The following TTC9 variants were observed in gnomAD, a reference collection of about 807,000 sequenced individuals.
The protein encoded by TTC9 is tetratricopeptide repeat protein 9A.
Under a neutral mutation model 22.9 loss-of-function variants are expected in TTC9, and 13 were observed. The observed-to-expected ratio is 0.57, with a 90% CI of 0.37 to 0.90. The LOEUF is 0.90. Ranked by LOEUF, TTC9 falls within the 40% of genes least tolerant of loss-of-function variation. The pLI is 0.01. For missense variants in TTC9, 280 were observed against 291.8 expected, an observed-to-expected ratio of 0.96 and a Z score of 0.29; for synonymous variants, 148 against 133.2, an observed-to-expected ratio of 1.11 and a Z score of -0.77.
rs1424335128 is a variant in TTC9 at position 70,641,984 on chromosome 14, G to A, written c.-146G>A. ...AGCGGGGAGAATGGGAGTGCGGGGC[G>A]CCAGACCGCCGCGGGGTGTCACGGC... On this transcript the variant is annotated 5_prime_UTR_variant, in exon 1 of 3. Coordinates refer to ENST00000256367, the MANE Select transcript of TTC9 (RefSeq NM_015351.2). The A allele has an allele frequency of 7.2e-6, 3 of 415,528 alleles. No individual in the cohort carries two copies. Among genetic ancestry groups the A allele is most frequent in the Non-Finnish European group, 9.8e-6 (3 of 306,128 alleles). The allele number at this position is 415,528 out of a possible 1,614,324, so 25.7% of individuals were successfully genotyped here. A position where few individuals can be genotyped will look rare whatever the true frequency, so the allele number is the denominator to read the frequency against.
In TTC9 at chr14:70,661,430, C is replaced by T. The variant is rs189976443; in HGVS notation, c.407-6134C>T. ...CCTTGTAGAGTAGGTTCTTCCTTCTCGCTGCTGGCCCCAGATGGGTCTGGT... is the reference window on the plus strand; with the variant it reads ...CCTTGTAGAGTAGGTTCTTCCTTCTTGCTGCTGGCCCCAGATGGGTCTGGT... On this transcript the variant is annotated intron_variant, in intron 1 of 2. Coordinates refer to ENST00000256367, the MANE Select transcript of TTC9 (RefSeq NM_015351.2). Among the ~76,000 whole-genome samples the T allele has an allele frequency of 1.1e-4, 17 of 152,352 alleles. No individual in the cohort carries two copies. In the East Asian group the frequency reaches 3.1e-3, roughly 28 times the overall value.
chr14:70,659,531 C>T (rs1002832565), intron 1 of TTC9, among the ~76,000 whole-genome samples: 2 of 152,048 alleles, frequency 1.3e-5, no homozygotes, highest in African/African-American at 4.8e-5. Context: ...AAAAAGCAGC[C>T]GCAGCAGGAG....
chr14:70,664,742 A>C (rs1286825085), intron 1 of TTC9, among the ~76,000 whole-genome samples: 1 of 151,006 alleles, frequency 6.6e-6, no homozygotes, highest in Non-Finnish European at 1.5e-5. Flanking sequence ...AAAAAAAAAA[A>C]AAGAGTCCTG....
chr14:70,670,874 T>C (rs1486040030), intron 2 of TTC9, among the ~76,000 whole-genome samples: 2 of 151,906 alleles, frequency 1.3e-5, no homozygotes, highest in Non-Finnish European at 2.9e-5. Flanking sequence ...CATGCCAACC[T>C]GTCCACATTT....
intron 1 of TTC9, among the ~76,000 whole-genome samples, chr14:70,649,728 A>G (rs576825276): frequency 6.6e-6 from 1 of 152,354 alleles, no homozygotes; most frequent in South Asian, 2.1e-4. Context: ...TCTCTGTAGC[A>G]AAGACAAGCT....
chr14:70,649,426 G>A lies in TTC9; in HGVS notation c.406+6891G>A, dbSNP rs1251465489. On this transcript the variant is annotated intron_variant, in intron 1 of 2. Coordinates refer to ENST00000256367, the MANE Select transcript of TTC9 (RefSeq NM_015351.2). Reference sequence around the variant, plus strand: ...AGTTAATATGAAGGACAAGATCCCCGCCTTACATGAACTTATGTATATATA... The same window carrying A: ...AGTTAATATGAAGGACAAGATCCCCACCTTACATGAACTTATGTATATATA... Among the ~76,000 whole-genome samples the A allele has an allele frequency of 6.0e-5, 9 of 150,002 alleles. No individual in the cohort carries two copies. The South Asian group carries it at 1.6e-3, about 26-fold the overall frequency.
chr14:70,670,360 A>G (rs74456888), intron 2 of TTC9, among the ~76,000 whole-genome samples: 7,137 of 152,310 alleles, frequency 0.047, 430 homozygotes, highest in East Asian at 0.2. Context: ...GCATTCAAAA[A>G]TGGAGCTTGT....
chr14:70,670,065 T>TA lies in TTC9; in HGVS notation c.590-1004dup, dbSNP rs530283161. Among the ~76,000 whole-genome samples, 24 of 152,326 alleles carry TA rather than the reference T, an allele frequency of 1.6e-4. No homozygotes were observed. The East Asian group carries it at 4.2e-3, about 27-fold the overall frequency. The stretch of plus-strand genomic sequence containing the variant: ...AAAGTCATTTTAAACTCTTCAAGCT[T>TA]AAAAAAATTACATTAGACTAATATT... On this transcript the variant is annotated intron_variant, in intron 2 of 2. Coordinates refer to ENST00000256367, the MANE Select transcript of TTC9 (RefSeq NM_015351.2).
At chr14:70,665,449 G>C (rs1886202022) in intron 1 of TTC9, among the ~76,000 whole-genome samples, 1 of 152,222 alleles carries the variant, frequency 6.6e-6, no homozygotes, top group Admixed American at 6.5e-5. Context: ...ACCATGGAGA[G>C]AGAGGGAGGA....
intron 1 of TTC9, among the ~76,000 whole-genome samples, chr14:70,659,618 G>A (rs1886117698): frequency 6.6e-6 from 1 of 152,176 alleles, no homozygotes; most frequent in East Asian, 1.9e-4. Context: ...TAGTGGGAGA[G>A]AAGGTTCTGG....
In TTC9 at chr14:70,667,676, C is replaced by T; in HGVS notation, c.519C>T (p.Ala173=). 6.2e-7 allele frequency: 1 copy of T among 1,613,882 alleles called. No homozygotes were observed. The highest frequency in any genetic ancestry group is 1.1e-5 in the South Asian group (1 of 91,056). ...AGGCCCTTTACCGGTCTGGTGTGGC[C>T]TTCTACCACCTTGGGGACTATGACA... ...NFKALYRSGV[A]FYHLGDYDKA... is the part of the protein sequence containing the mutation. Residue 173 remains alanine (A), a synonymous_variant, in exon 2 of 3, where the codon GCC becomes GCT. Coordinates refer to ENST00000256367, the MANE Select transcript of TTC9 (RefSeq NM_015351.2).
At chr14:70,647,391 C>T (rs1885918407) in intron 1 of TTC9, among the ~76,000 whole-genome samples, 2 of 152,322 alleles carry the variant, frequency 1.3e-5, no homozygotes, top group South Asian at 4.1e-4. Flanking sequence ...TGACCCTACC[C>T]TTTCCTTCTG....
chr14:70,649,815 C>T (rs1408634423), intron 1 of TTC9, among the ~76,000 whole-genome samples: 2 of 152,134 alleles, frequency 1.3e-5, no homozygotes, highest in Admixed American at 6.5e-5. Context: ...TTACTGTGAA[C>T]GTGCCTTGTG....
At position 70,659,268 on chromosome 14, in the gene TTC9, G is replaced by A. The variant is rs553691248; in HGVS notation, c.407-8296G>A. Among the ~76,000 whole-genome samples the A allele has an allele frequency of 3.3e-5, 5 of 152,222 alleles. No individual in the cohort carries two copies. The South Asian group carries it at 8.3e-4, about 25-fold the overall frequency. Reference sequence around the variant, plus strand: ...TACTATCATTTTACAAGATATTAGCGCTAAGGGAAAATGGGTAAAGGGTAT... The same window carrying A: ...TACTATCATTTTACAAGATATTAGCACTAAGGGAAAATGGGTAAAGGGTAT... On this transcript the variant is annotated intron_variant, in intron 1 of 2. Coordinates refer to ENST00000256367, the MANE Select transcript of TTC9 (RefSeq NM_015351.2).
rs1886310509 is a variant in TTC9 at position 70,672,450 on chromosome 14, C to T, written c.*1295C>T. ...TCAAACAAGAAACACTTACTGAGGG[C>T]ATATTGTTTGCCCATCATTGTGCAA... On this transcript the variant is annotated 3_prime_UTR_variant, in exon 3 of 3. Coordinates refer to ENST00000256367, the MANE Select transcript of TTC9 (RefSeq NM_015351.2). 6.6e-6 allele frequency: 1 copy of T among 152,188 alleles called. No individual in the cohort carries two copies. Among genetic ancestry groups the T allele is most frequent in the South Asian group, 2.1e-4 (1 of 4,824 alleles). 9.4% of individuals were successfully genotyped at this position (152,188 alleles called of 1,614,324 possible).
At chr14:70,656,923 A>C (rs996306875) in intron 1 of TTC9, among the ~76,000 whole-genome samples, 2 of 152,174 alleles carry the variant, frequency 1.3e-5, no homozygotes, top group Non-Finnish European at 2.9e-5. Flanking sequence ...TCTGTCTACT[A>C]CACCAAAGTC....
chr14:70,673,391 A>G lies in TTC9; in HGVS notation c.*2236A>G, dbSNP rs1052046208. ...TGCTAGAAATATTGAGGGGCCTGCC[A>G]TTACTCACCTAGAGCTCACTCTCTG... On this transcript the variant is annotated 3_prime_UTR_variant, in exon 3 of 3. Transcript: ENST00000256367. 3 of 152,316 alleles carry G rather than the reference A, an allele frequency of 2.0e-5. No individual in the cohort carries two copies. The highest frequency in any genetic ancestry group is 4.8e-5 in the African/African-American group (2 of 41,444). 9.4% of individuals were successfully genotyped at this position (152,316 alleles called of 1,614,324 possible).
At chr14:70,666,363 T>C (rs968878301) in intron 1 of TTC9, among the ~76,000 whole-genome samples, 3 of 152,150 alleles carry the variant, frequency 2.0e-5, no homozygotes, top group Non-Finnish European at 4.4e-5. Flanking sequence ...CACCTAGGTC[T>C]CTCATGTCCA....
chr14:70,646,284 G>A (rs1321224884), intron 1 of TTC9, among the ~76,000 whole-genome samples: 1 of 152,168 alleles, frequency 6.6e-6, no homozygotes, highest in Non-Finnish European at 1.5e-5. Context: ...GATTAGAAAA[G>A]ATATCCTGAC....
Sources: allele counts gnomAD v4.1 joint callset (sites outside exome capture counted in the v4.1 genomes callset), GRCh38; gene constraint gnomAD v4.1.1; transcripts MANE v1.5; gene names NCBI Gene and HGNC (gene_info 2026-07-23, HGNC 2026-07-21).